Variants in GAS2 observed in about 807,000 individuals in gnomAD.
GAS2 encodes the protein growth arrest-specific protein 2.
GAS2 carries 20 observed loss-of-function variants against 37.5 expected under a neutral mutation model. The observed-to-expected ratio is 0.53, with a 90% CI of 0.37 to 0.77. GAS2 has a LOEUF of 0.77. Among genes scored for constraint, GAS2 ranks in the 30% least tolerant of loss-of-function variants. GAS2 has a pLI of 0.00. For missense variants in GAS2, 336 were observed against 373.4 expected (o/e 0.90, Z 0.82); for synonymous variants, 144 against 132.2 (o/e 1.09, Z -0.61).
chr11:22,732,178 G>T (rs1852510592), intron 4 of GAS2, among the ~76,000 whole-genome samples: 1 of 151,650 alleles, frequency 6.6e-6, no homozygotes, highest in African/African-American at 2.4e-5. Context: ...TCAAGCAAAA[G>T]GAAAAAATAT....
At chr11:22,766,434 A>T (rs1854699778) in intron 7 of GAS2, among the ~76,000 whole-genome samples, 1 of 152,162 alleles carries the variant, frequency 6.6e-6, no homozygotes, top group South Asian at 2.1e-4. Context: ...TATTCATTCC[A>T]TTTCAGACCA....
At position 22,790,405 on chromosome 11, in the gene GAS2, G is replaced by A. The variant is rs1450237411; in HGVS notation, c.724-21393G>A. On this transcript the variant is annotated intron_variant, in intron 7 of 7. Transcript: ENST00000454584. Reference sequence around the variant, plus strand: ...TCAGTGCTGTGTACAGAGCCATGCTGCTTTACATTTCTGTCCCTCTGCACC... The same window carrying A: ...TCAGTGCTGTGTACAGAGCCATGCTACTTTACATTTCTGTCCCTCTGCACC... Among the ~76,000 whole-genome samples the A allele has an allele frequency of 8.5e-5, 13 of 152,262 alleles. No homozygotes were observed. In the East Asian group the frequency reaches 2.5e-3, roughly 29 times the overall value.
At chr11:22,736,231 A>G (rs1387050880) in intron 4 of GAS2, among the ~76,000 whole-genome samples, 2 of 151,966 alleles carry the variant, frequency 1.3e-5, no homozygotes, top group East Asian at 3.8e-4. Flanking sequence ...AGTAGATTTG[A>G]AACTGGAGGT....
intron 3 of GAS2, among the ~76,000 whole-genome samples, chr11:22,721,204 C>A (rs1049012217): frequency 4.6e-5 from 7 of 151,990 alleles, no homozygotes; most frequent in African/African-American, 1.4e-4. Flanking sequence ...TGAGTACCCT[C>A]CTCCCCAACC....
At chr11:22,645,784 T>A (rs1049187048) in intron 1 of GAS2, among the ~76,000 whole-genome samples, 1 of 151,926 alleles carries the variant, frequency 6.6e-6, no homozygotes, top group Non-Finnish European at 1.5e-5. Context: ...TAAAGTTTTC[T>A]GACTTGGTGT....
At chr11:22,657,859 T>G (rs1258254093) in intron 1 of GAS2, among the ~76,000 whole-genome samples, 2 of 152,160 alleles carry the variant, frequency 1.3e-5, no homozygotes, top group Admixed American at 1.3e-4. Context: ...TACTTCACAA[T>G]TTAGTAATGA....
At position 22,692,521 on chromosome 11, in the gene GAS2, A is replaced by G. The variant is rs554904636; in HGVS notation, c.267+6732A>G. ...GACAACTTGAGGCAAAGGCAGGAAG[A>G]CACGAAGTAGGGAGGATGCTTCCAG... On this transcript the variant is annotated intron_variant, in intron 3 of 7. Coordinates refer to ENST00000454584, the MANE Select transcript of GAS2 (RefSeq NM_001143830.3). 2.6e-4 allele frequency among the ~76,000 whole-genome samples: 39 copies of G among 152,310 alleles called. No individual in the cohort carries two copies. In the South Asian group the frequency reaches 3.3e-3, roughly 13 times the overall value.
intron 3 of GAS2, among the ~76,000 whole-genome samples, chr11:22,717,160 T>C (rs184893146): frequency 6.6e-5 from 10 of 152,024 alleles, no homozygotes; most frequent in African/African-American, 9.6e-5. Flanking sequence ...CTAAAATTCA[T>C]ATGGGACCAA....
At chr11:22,686,442 A>C (rs1474360896) in intron 3 of GAS2, among the ~76,000 whole-genome samples, 2 of 151,474 alleles carry the variant, frequency 1.3e-5, no homozygotes, top group African/African-American at 4.8e-5. Context: ...TTGGCCAGGC[A>C]TGGTGGCTCA....
chr11:22,638,347 A>AT (rs764707083), intron 1 of GAS2, among the ~76,000 whole-genome samples: 1,869 of 142,116 alleles, frequency 0.013, 19 homozygotes, highest in African/African-American at 0.035. Flanking sequence ...TATTATTACA[A>AT]TTTTTTTTTT....
chr11:22,758,632 C>T (rs147826027), intron 7 of GAS2, among the ~76,000 whole-genome samples: 86 of 152,172 alleles, frequency 5.7e-4, no homozygotes, highest in South Asian at 1.5e-3. Context: ...GTCATAGATA[C>T]GCCAGGCACA....
At chr11:22,704,624 T>TATATATATATATATATATATATATA (rs1565098343) in intron 3 of GAS2, among the ~76,000 whole-genome samples, 1 of 140,506 alleles carries the variant, frequency 7.1e-6, no homozygotes, top group African/African-American at 2.6e-5. Context: ...TATATATATA[T>TATATATATATATATATATATATATA]TTTGCTCATC....
chr11:22,662,019 G>A (rs1848922428), upstream of GAS2, among the ~76,000 whole-genome samples: 3 of 152,130 alleles, frequency 2.0e-5, no homozygotes, highest in Admixed American at 2.0e-4. Context: ...AACATACTTA[G>A]TTTATTTGTG....
At chr11:22,674,469 G>T (rs1397469917) in intron 1 of GAS2, among the ~76,000 whole-genome samples, 1 of 152,154 alleles carries the variant, frequency 6.6e-6, no homozygotes, top group Non-Finnish European at 1.5e-5. Context: ...AAAATTTGGT[G>T]AAAATCTATG....
At chr11:22,710,468 T>C (rs1851347514) in intron 3 of GAS2, among the ~76,000 whole-genome samples, 2 of 147,514 alleles carry the variant, frequency 1.4e-5, no homozygotes, top group Non-Finnish European at 3.0e-5. Flanking sequence ...TCAAGATATA[T>C]ATATATGTGT....
At chr11:22,788,991 A>C (rs1467569776) in intron 7 of GAS2, among the ~76,000 whole-genome samples, 1 of 152,024 alleles carries the variant, frequency 6.6e-6, no homozygotes, top group African/African-American at 2.4e-5. Flanking sequence ...AGATATTTTA[A>C]ATCCCTCTAT....
chr11:22,721,984 A>G (rs1243455775), intron 3 of GAS2, among the ~76,000 whole-genome samples: 2 of 151,948 alleles, frequency 1.3e-5, no homozygotes, highest in African/African-American at 4.8e-5. Context: ...CACATAGTCA[A>G]TGGGGTGTAC....
At chr11:22,690,205 G>A (rs1428945096) in intron 3 of GAS2, among the ~76,000 whole-genome samples, 2 of 151,994 alleles carry the variant, frequency 1.3e-5, no homozygotes, top group Admixed American at 6.6e-5. Flanking sequence ...TGATTTAAAT[G>A]CTCTTAAATC....
intron 3 of GAS2, among the ~76,000 whole-genome samples, chr11:22,721,456 G>A (rs190156655): frequency 6.6e-6 from 1 of 151,976 alleles, no homozygotes; most frequent in African/African-American, 2.4e-5. Flanking sequence ...TACACCCAGG[G>A]TAACTACTGG....
Sources: gnomAD v4.1 joint callset for allele counts (sites outside exome capture counted in the v4.1 genomes callset) on GRCh38, gnomAD v4.1.1 for gene constraint, MANE v1.5 for transcripts, NCBI Gene and HGNC (gene_info 2026-07-23, HGNC 2026-07-21) for gene names.